Variants in CC2D2B observed in about 807,000 individuals in gnomAD.
CC2D2B encodes coiled-coil and C2 domain containing 2B, also known as protein CC2D2B.
In CC2D2B, 128 loss-of-function variants were observed where a neutral mutation model predicts 161.2. The ratio of observed to expected loss-of-function variants is 0.79; its 90% CI spans 0.69 to 0.92. The LOEUF is 0.92. CC2D2B is among the 40% of genes least tolerant of loss of function. The pLI is 0.00. For synonymous variants in CC2D2B, 391 were observed against 449.8 expected (o/e 0.87, Z 1.65); for missense variants, 1,173 against 1,375.1 (o/e 0.85, Z 2.32).
chr10:96,002,537 T>C (rs1374749763), intron 24 of CC2D2B, among the ~76,000 whole-genome samples: 1 of 152,164 alleles, frequency 6.6e-6, no homozygotes, highest in Admixed American at 6.5e-5. Flanking sequence ...AGCTAAAAAA[T>C]GTTGTAAGGA....
At chr10:95,932,544 T>C (rs900708335) in intron 6 of CC2D2B, among the ~76,000 whole-genome samples, 3 of 152,342 alleles carry the variant, frequency 2.0e-5, no homozygotes, top group African/African-American at 4.8e-5. Context: ...TATTTAGTAC[T>C]TTTTTCAGGA....
chr10:95,983,762 C>G lies in CC2D2B; in HGVS notation c.2239C>G (p.Gln747Glu). The G allele has an allele frequency of 8.1e-7, 1 of 1,231,110 alleles. No individual in the cohort carries two copies. Among genetic ancestry groups the G allele is most frequent in the South Asian group, 4.1e-5 (1 of 24,304 alleles). The allele number at this position is 1,231,110 out of a possible 1,614,324, so 76.3% of individuals were successfully genotyped here. A position where few individuals can be genotyped will look rare whatever the true frequency, so the allele number is the denominator to read the frequency against. Residue 747 changes from glutamine to glutamate, a missense_variant, in exon 19 of 35, where the codon CAG becomes GAG. Coordinates refer to ENST00000646931, the MANE Select transcript of CC2D2B (RefSeq NM_001349008.3). ...NAGQLDNFLLQQMPLHDTEIP... is the reference protein window; with the variant it reads ...NAGQLDNFLLEQMPLHDTEIP... ...AGGTCAATTAGATAATTTCCTTCTA[C>G]AGCAAATGCCCCTCCATGATACAGA...
At chr10:95,949,423 C>T (rs1246903537) in intron 9 of CC2D2B, among the ~76,000 whole-genome samples, 1 of 70,510 alleles carries the variant, frequency 1.4e-5, no homozygotes, top group African/African-American at 5.9e-5. Flanking sequence ...AACCAAACAC[C>T]GCATATTCTC....
In CC2D2B at chr10:95,974,060, C is replaced by G; in HGVS notation, c.1847C>G (p.Thr616Arg). Residue 616 changes from threonine (T) to arginine (R), a missense_variant, in exon 17 of 35, where the codon ACA becomes AGA. Thr to Arg is a moderately conservative substitution (Grantham distance 71, BLOSUM62 -1). Transcript: ENST00000646931. ...GNGTEELCLL[T>R]SGKLSYSLSW... is the part of the protein sequence containing the mutation. ...GGAACTGAAGAACTCTGTCTTTTGA[C>G]ATCAGGAAAACTTAGCTATTCTCTA... 1 of 1,231,328 alleles carries G rather than the reference C, an allele frequency of 8.1e-7. No homozygotes were observed. The highest frequency in any genetic ancestry group is 1.0e-6 in the Non-Finnish European group (1 of 987,292). The allele number at this position is 1,231,328 out of a possible 1,614,324, so 76.3% of individuals were successfully genotyped here.
chr10:95,946,757 G>T (rs2076211625), intron 9 of CC2D2B, among the ~76,000 whole-genome samples: 1 of 152,070 alleles, frequency 6.6e-6, no homozygotes, highest in Non-Finnish European at 1.5e-5. Flanking sequence ...CAGAGATTTA[G>T]GCACCGTACA....
chr10:95,909,352 CA>C (rs929331689), intron 1 of CC2D2B, among the ~76,000 whole-genome samples: 10 of 152,222 alleles, frequency 6.6e-5, no homozygotes, highest in Admixed American at 5.9e-4. Flanking sequence ...ATTATTTTTA[CA>C]AAATGCTATT....
intron 6 of CC2D2B, among the ~76,000 whole-genome samples, chr10:95,933,987 C>G (rs892215600): frequency 1.8e-4 from 27 of 152,186 alleles, no homozygotes; most frequent in Non-Finnish European, 3.7e-4. Context: ...CCACAGCCGC[C>G]CCTTCCCCAG....
At position 96,012,706 on chromosome 10, in the gene CC2D2B, C is replaced by A. The variant is rs747498895; in HGVS notation, c.3403C>A (p.Leu1135Ile). The change falls in exon 28 of 35, where the codon CTT (leucine) becomes ATT (isoleucine). Residue 1135 changes from leucine (L) to isoleucine (I), a missense_variant. Physicochemically the swap from Leu to Ile is conservative, Grantham distance 5 (BLOSUM62 2). Coordinates refer to ENST00000646931, the MANE Select transcript of CC2D2B (RefSeq NM_001349008.3). ...ACCTCAGCAACTTCTGGATATATTT[C>A]TTCACAATTCTAATGCAACATTTGT... ...NPPQQLLDIF[L>I]HNSNATFDLI... is the part of the protein sequence containing the mutation. The A allele has an allele frequency of 6.3e-6, 10 of 1,594,886 alleles. No individual in the cohort carries two copies. Among genetic ancestry groups the A allele is most frequent in the Non-Finnish European group, 8.6e-6 (10 of 1,162,886 alleles).
At chr10:95,994,178 T>C (rs2078136297) in intron 22 of CC2D2B, among the ~76,000 whole-genome samples, 1 of 149,908 alleles carries the variant, frequency 6.7e-6, no homozygotes, top group Non-Finnish European at 1.5e-5. Context: ...CTGATATTCA[T>C]TGCATACAAG....
At chr10:96,017,349 A>G (rs1489539352) in intron 30 of CC2D2B, among the ~76,000 whole-genome samples, 1 of 152,172 alleles carries the variant, frequency 6.6e-6, no homozygotes, top group East Asian at 1.9e-4. Context: ...TATTAATAGA[A>G]GTTCATTCCC....
chr10:95,943,520 C>T (rs546517941), intron 9 of CC2D2B, among the ~76,000 whole-genome samples: 15 of 152,280 alleles, frequency 9.9e-5, no homozygotes, highest in African/African-American at 3.6e-4. Flanking sequence ...CAGACCAGCC[C>T]ATCTGCTGAC....
intron 9 of CC2D2B, among the ~76,000 whole-genome samples, chr10:95,943,553 A>T (rs1398275025): frequency 2.0e-5 from 3 of 152,130 alleles, no homozygotes; most frequent in African/African-American, 7.2e-5. Flanking sequence ...CATATTTTCA[A>T]TACATTTTTT....
intron 2 of CC2D2B, among the ~76,000 whole-genome samples, chr10:95,912,442 A>C (rs11188520): frequency 0.27 from 41,670 of 151,946 alleles, 6,198 homozygotes; most frequent in African/African-American, 0.38. Flanking sequence ...CTGGAGACAC[A>C]GATTTGGGAA....
chr10:95,946,174 A>G (rs1234692902), intron 9 of CC2D2B, among the ~76,000 whole-genome samples: 2 of 152,208 alleles, frequency 1.3e-5, no homozygotes, highest in Non-Finnish European at 2.9e-5. Context: ...TAAGGAACAC[A>G]TAAAGTACTT....
intron 21 of CC2D2B, among the ~76,000 whole-genome samples, chr10:95,991,908 C>CTGAA (rs1185984836): frequency 5.9e-5 from 9 of 152,188 alleles, no homozygotes; most frequent in Non-Finnish European, 8.8e-5. Context: ...GGAGCGTTTG[C>CTGAA]TGAAGTAACT....
chr10:95,993,950 GTGTA>G (rs1476538018), intron 22 of CC2D2B, among the ~76,000 whole-genome samples: 84 of 13,690 alleles, frequency 6.1e-3, no homozygotes, highest in Admixed American at 6.9e-3. Flanking sequence ...GTGTATGTAT[GTGTA>G]TATATATATA....
At chr10:96,028,244 C>A (rs1590949139) in intron 34 of CC2D2B, among the ~76,000 whole-genome samples, 1 of 152,006 alleles carries the variant, frequency 6.6e-6, no homozygotes, top group South Asian at 2.1e-4. Context: ...GGATTAATAA[C>A]CAGAATATAT....
intron 31 of CC2D2B, 40 bp from the exon 32 acceptor site, chr10:96,019,662 C>T: frequency 1.3e-6 from 2 of 1,522,800 alleles, no homozygotes; most frequent in South Asian, 1.3e-5. Flanking sequence ...GCCTTGTGTT[C>T]CTATGGACCT....
rs1230509838 is a variant in CC2D2B at position 95,950,056 on chromosome 10, G to T, written c.962G>T (p.Cys321Phe). 2.5e-6 allele frequency: 1 copy of T among 398,662 alleles called. No homozygotes were observed. The highest frequency in any genetic ancestry group is 2.1e-5 in the African/African-American group (1 of 48,610). The allele number at this position is 398,662 out of a possible 1,614,324, so 24.7% of individuals were successfully genotyped here. Reference protein sequence around the residue: ...LCARLLQLYECFQDRQQQNVS... With the variant: ...LCARLLQLYEFFQDRQQQNVS... ...GCAAGGCTTCTCCAACTTTATGAAT[G>T]TTTTCAGGACAGGCAGCAACAGAAT... Residue 321 changes from cysteine (C) to phenylalanine (F), a missense_variant, in exon 10 of 35, where the codon TGT becomes TTT. Coordinates refer to ENST00000646931, the MANE Select transcript of CC2D2B (RefSeq NM_001349008.3).
Sources: gnomAD v4.1 joint callset for allele counts (sites outside exome capture counted in the v4.1 genomes callset) on GRCh38, gnomAD v4.1.1 for gene constraint, MANE v1.5 for transcripts, NCBI Gene and HGNC (gene_info 2026-07-23, HGNC 2026-07-21) for gene names.